Variants in NRXN1 observed in about 807,000 individuals in gnomAD.
NRXN1 encodes the protein neurexin 1.
NRXN1 carries 39 observed loss-of-function variants against 150.9 expected under a neutral mutation model. The observed-to-expected ratio is 0.26, with a 90% CI of 0.20 to 0.34. NRXN1 has a LOEUF of 0.34. NRXN1 is among the 10% of genes least tolerant of loss of function. NRXN1 has a pLI of 1.00. For synonymous variants in NRXN1, 924 were observed against 757.0 expected, an observed-to-expected ratio of 1.22 and a Z score of -3.62; for missense variants, 1,815 against 1,949.9, an observed-to-expected ratio of 0.93 and a Z score of 1.30.
intron 21 of NRXN1, among the ~76,000 whole-genome samples, chr2:49,979,125 T>A (rs1026580064): frequency 1.3e-5 from 2 of 152,046 alleles, no homozygotes; most frequent in African/African-American, 4.8e-5. Flanking sequence ...GGTGAAACCC[T>A]GTCTCTACTA....
At chr2:50,455,829 T>C (rs1370042124) in intron 17 of NRXN1, among the ~76,000 whole-genome samples, 6 of 152,158 alleles carry the variant, frequency 3.9e-5, no homozygotes, top group African/African-American at 1.4e-4. Flanking sequence ...CACGGAATCA[T>C]GGCTGGGATA....
In NRXN1 at chr2:49,919,857, T is replaced by A. The variant is rs937791245; in HGVS notation, c.*2087A>T. The A allele has an allele frequency of 6.6e-6, 1 of 152,174 alleles. No homozygotes were observed. The highest frequency in any genetic ancestry group is 1.5e-5 in the Non-Finnish European group (1 of 67,996). 9.4% of individuals were successfully genotyped at this position (152,174 alleles called of 1,614,324 possible). On this transcript the variant is annotated 3_prime_UTR_variant, in exon 23 of 23. Transcript: ENST00000401669. ...TGAATTATACATATTTCTAAGGTGC[T>A]GTATGTCTGAAATCCAGGCCACTTC...
chr2:50,951,893 G>T (rs1295913046), intron 2 of NRXN1, among the ~76,000 whole-genome samples: 3 of 144,720 alleles, frequency 2.1e-5, no homozygotes, highest in African/African-American at 7.6e-5. Flanking sequence ...TCATATAACT[G>T]GATTATCTAT....
chr2:49,984,020 G>T (rs1478352227), intron 21 of NRXN1, among the ~76,000 whole-genome samples: 1 of 151,382 alleles, frequency 6.6e-6, no homozygotes, highest in Non-Finnish European at 1.5e-5. Flanking sequence ...AAAAAAATTA[G>T]CTGGGTGTGG....
At chr2:50,969,119 C>T (rs973429081) in intron 2 of NRXN1, among the ~76,000 whole-genome samples, 3 of 152,116 alleles carry the variant, frequency 2.0e-5, no homozygotes, top group Non-Finnish European at 4.4e-5. Flanking sequence ...TATGCCCTTC[C>T]TGCCTTTCAC....
At chr2:50,189,389 T>C (rs1280867478) in intron 18 of NRXN1, among the ~76,000 whole-genome samples, 2 of 151,950 alleles carry the variant, frequency 1.3e-5, no homozygotes, top group Non-Finnish European at 2.9e-5. Flanking sequence ...AGGGGAGGGA[T>C]AGCATTAGGA....
chr2:50,940,334 G>A (rs1262200617), intron 2 of NRXN1, among the ~76,000 whole-genome samples: 3 of 152,008 alleles, frequency 2.0e-5, no homozygotes, highest in Non-Finnish European at 4.4e-5. Context: ...AATTAGCTGG[G>A]CATGGTGGTG....
At chr2:50,567,242 G>T (rs1467925179) in intron 8 of NRXN1, among the ~76,000 whole-genome samples, 1 of 152,174 alleles carries the variant, frequency 6.6e-6, no homozygotes, top group Non-Finnish European at 1.5e-5. Context: ...AAAGAATGAG[G>T]TTTAACACTA....
At chr2:50,754,937 G>T (rs1447138465) in intron 5 of NRXN1, among the ~76,000 whole-genome samples, 1 of 151,768 alleles carries the variant, frequency 6.6e-6, no homozygotes, top group African/African-American at 2.4e-5. Flanking sequence ...TTCACAAGTT[G>T]GTTCAACTTA....
intron 5 of NRXN1, among the ~76,000 whole-genome samples, chr2:50,823,704 G>A (rs1201326941): frequency 6.6e-6 from 1 of 152,126 alleles, no homozygotes; most frequent in Non-Finnish European, 1.5e-5. Context: ...GGGTCCTAAA[G>A]AGCACTTGGA....
intron 8 of NRXN1, among the ~76,000 whole-genome samples, chr2:50,616,869 G>C (rs2194384): frequency 6.6e-6 from 1 of 152,126 alleles, no homozygotes; most frequent in Admixed American, 6.6e-5. Context: ...ATAATTAAGG[G>C]TTTACACATG....
chr2:50,656,459 T>C (rs1686480135), intron 5 of NRXN1: 14 of 749,446 alleles, frequency 1.9e-5, no homozygotes, highest in South Asian at 1.9e-4. Flanking sequence ...TAGATTCTTT[T>C]CAGTTTTTGC....
At chr2:50,857,177 T>C (rs1675393674) in intron 5 of NRXN1, among the ~76,000 whole-genome samples, 1 of 152,112 alleles carries the variant, frequency 6.6e-6, no homozygotes, top group South Asian at 2.1e-4. Context: ...TACATTTACT[T>C]CGGGGTAAAG....
At chr2:50,695,112 G>A (rs1158354980) in intron 5 of NRXN1, among the ~76,000 whole-genome samples, 1 of 151,496 alleles carries the variant, frequency 6.6e-6, no homozygotes, top group Non-Finnish European at 1.5e-5. Context: ...GCTTAAGGGT[G>A]GCTTTGATTT....
chr2:49,929,952 C>A (rs1368247306), intron 22 of NRXN1, among the ~76,000 whole-genome samples: 1 of 152,122 alleles, frequency 6.6e-6, no homozygotes, highest in Admixed American at 6.6e-5. Context: ...ACTGTAGGTA[C>A]CATGCAGGAG....
At chr2:50,283,837 A>C (rs751065346) in intron 17 of NRXN1, among the ~76,000 whole-genome samples, 1 of 152,102 alleles carries the variant, frequency 6.6e-6, no homozygotes, top group Non-Finnish European at 1.5e-5. Context: ...CCCTATATCC[A>C]TTCTTCTCAG....
chr2:50,152,394 T>C (rs1050301982), intron 18 of NRXN1, among the ~76,000 whole-genome samples: 8 of 151,794 alleles, frequency 5.3e-5, no homozygotes, highest in African/African-American at 1.7e-4. Flanking sequence ...TTTTAAAGGC[T>C]GAATAATGTT....
chr2:50,568,444 G>A (rs751868124), intron 8 of NRXN1, among the ~76,000 whole-genome samples: 7 of 151,986 alleles, frequency 4.6e-5, no homozygotes, highest in Non-Finnish European at 8.8e-5. Flanking sequence ...CAACTAAATA[G>A]GAAAAAGTCT....
At chr2:50,589,817 C>A (rs1368948122) in intron 8 of NRXN1, among the ~76,000 whole-genome samples, 1 of 152,110 alleles carries the variant, frequency 6.6e-6, no homozygotes, top group African/African-American at 2.4e-5. Flanking sequence ...ACTGGAACTG[C>A]AAATGCCTAT....
Sources: allele counts gnomAD v4.1 joint callset (sites outside exome capture counted in the v4.1 genomes callset), GRCh38; gene constraint gnomAD v4.1.1; transcripts MANE v1.5; gene names NCBI Gene and HGNC (gene_info 2026-07-23, HGNC 2026-07-21).